Variants in SLC24A3 observed in about 807,000 individuals in gnomAD.
SLC24A3 encodes the protein solute carrier family 24 member 3.
Under a neutral mutation model 75.8 loss-of-function variants are expected in SLC24A3, and 28 were observed. The ratio of observed to expected loss-of-function variants is 0.37; its 90% confidence interval spans 0.27 to 0.51. The LOEUF is 0.51. Ranked by LOEUF, SLC24A3 falls within the 20% of genes least tolerant of loss-of-function variation. The pLI, the probability that SLC24A3 is intolerant of heterozygous loss-of-function variation, is 0.94. For missense variants in SLC24A3, 663 were observed against 847.8 expected (o/e 0.78, Z 2.71); for synonymous variants, 372 against 334.1 (o/e 1.11, Z -1.24).
At chr20:19,544,861 G>T (rs1254890720) in intron 3 of SLC24A3, among the ~76,000 whole-genome samples, 1 of 152,148 alleles carries the variant, frequency 6.6e-6, no homozygotes, top group Admixed American at 6.5e-5. Context: ...CCAAGCAATA[G>T]TAAAGCATGG....
At chr20:19,474,744 T>C (rs1228149184) in intron 2 of SLC24A3, among the ~76,000 whole-genome samples, 1 of 152,192 alleles carries the variant, frequency 6.6e-6, no homozygotes, top group East Asian at 1.9e-4. Context: ...GGTAAGAACA[T>C]TTAAGATCTA....
chr20:19,317,815 A>G (rs781251218), intron 2 of SLC24A3, among the ~76,000 whole-genome samples: 26 of 152,172 alleles, frequency 1.7e-4, no homozygotes, highest in Non-Finnish European at 3.5e-4. Flanking sequence ...AGCCTTTTAC[A>G]TAAAGGTGCC....
rs531619909 is a variant in SLC24A3 at position 19,451,152 on chromosome 20, A to G, written c.272-64336A>G. On this transcript the variant is annotated intron_variant, in intron 2 of 16. Transcript: ENST00000328041. ...TGTATTTTTCTTGTATGTATGTAAT[A>G]CTTCAGTGAAATTTACAGAAAGATC... Among the ~76,000 whole-genome samples, 4 of 152,354 alleles carry G rather than the reference A, an allele frequency of 2.6e-5. No individual in the cohort carries two copies. The East Asian group carries it at 7.7e-4, about 29-fold the overall frequency.
At chr20:19,654,640 CCTTT>C (rs2032244961) in intron 7 of SLC24A3, among the ~76,000 whole-genome samples, 1 of 138,812 alleles carries the variant, frequency 7.2e-6, no homozygotes, top group Non-Finnish European at 1.5e-5. Flanking sequence ...TAAATAGAAT[CCTTT>C]TTTTTTTTTT....
At chr20:19,324,015 A>T (rs1389876106) in intron 2 of SLC24A3, among the ~76,000 whole-genome samples, 1 of 152,178 alleles carries the variant, frequency 6.6e-6, no homozygotes, top group African/African-American at 2.4e-5. Context: ...ACATGAGATC[A>T]CACACAGGGA....
chr20:19,653,166 C>G (rs949470571), intron 6 of SLC24A3, among the ~76,000 whole-genome samples: 2 of 152,224 alleles, frequency 1.3e-5, no homozygotes, highest in African/African-American at 4.8e-5. Flanking sequence ...AAGCCTCAAC[C>G]TGACACCCAC....
At chr20:19,558,395 CCTAATGTTAACAT>C (rs1488190327) in intron 3 of SLC24A3, among the ~76,000 whole-genome samples, 12 of 152,102 alleles carry the variant, frequency 7.9e-5, no homozygotes, top group African/African-American at 2.9e-4. Context: ...CCCAGCTTCC[CCTAATGTTAACAT>C]CTTACATAAT....
At chr20:19,376,848 C>T (rs373785616) in intron 2 of SLC24A3, among the ~76,000 whole-genome samples, 44 of 152,232 alleles carry the variant, frequency 2.9e-4, no homozygotes, top group African/African-American at 8.4e-4. Flanking sequence ...GGGGCAAAGA[C>T]GGCCAGGTGG....
chr20:19,720,077 C>T (rs1181818927), intron 16 of SLC24A3, among the ~76,000 whole-genome samples: 2 of 152,094 alleles, frequency 1.3e-5, no homozygotes, highest in East Asian at 1.9e-4. Flanking sequence ...ATGCTTCTGT[C>T]ACTGCCAATA....
chr20:19,524,115 C>G (rs574353738), intron 3 of SLC24A3, among the ~76,000 whole-genome samples: 14 of 152,330 alleles, frequency 9.2e-5, no homozygotes, highest in African/African-American at 3.4e-4. Flanking sequence ...TAAGCCCTCG[C>G]TGTCTGCCCC....
At chr20:19,569,419 C>T (rs879898978) in intron 3 of SLC24A3, among the ~76,000 whole-genome samples, 1 of 152,156 alleles carries the variant, frequency 6.6e-6, no homozygotes, top group African/African-American at 2.4e-5. Flanking sequence ...CTCATCCTTC[C>T]ACTCCTGTGG....
At chr20:19,546,768 CCTAGACCA>C (rs2122593980) in intron 3 of SLC24A3, among the ~76,000 whole-genome samples, 1 of 110,660 alleles carries the variant, frequency 9.0e-6, no homozygotes, top group South Asian at 3.8e-4. Context: ...CTGGTTTCTG[CCTAGACCA>C]CTGCAGTCAC....
chr20:19,610,405 C>T (rs2031657909), intron 6 of SLC24A3, among the ~76,000 whole-genome samples: 1 of 152,142 alleles, frequency 6.6e-6, no homozygotes, highest in Admixed American at 6.5e-5. Flanking sequence ...GCTGGGACCC[C>T]ACAGATGCAC....
intron 1 of SLC24A3, among the ~76,000 whole-genome samples, chr20:19,250,029 T>G (rs548851374): frequency 6.6e-6 from 1 of 152,298 alleles, no homozygotes; most frequent in Non-Finnish European, 1.5e-5. Flanking sequence ...TCACATGCTG[T>G]CTTCTGAGCA....
chr20:19,647,647 A>G (rs2122704043), intron 6 of SLC24A3, among the ~76,000 whole-genome samples: 1 of 152,344 alleles, frequency 6.6e-6, no homozygotes, highest in Non-Finnish European at 1.5e-5. Flanking sequence ...TTGAAGGCCT[A>G]GCAGGCAATA....
chr20:19,711,211 G>A (rs1415677023), intron 15 of SLC24A3, among the ~76,000 whole-genome samples: 3 of 148,282 alleles, frequency 2.0e-5, no homozygotes, highest in Non-Finnish European at 4.5e-5. Context: ...AAACATGCAG[G>A]CAAACGCACA....
intron 2 of SLC24A3, among the ~76,000 whole-genome samples, chr20:19,291,511 G>T (rs1314353751): frequency 1.3e-5 from 2 of 152,216 alleles, no homozygotes; most frequent in Non-Finnish European, 2.9e-5. Flanking sequence ...ATTCCACCTT[G>T]GAGAGTAAGT....
At chr20:19,585,995 C>T (rs2031290069) in intron 6 of SLC24A3, among the ~76,000 whole-genome samples, 1 of 152,198 alleles carries the variant, frequency 6.6e-6, no homozygotes, top group Non-Finnish European at 1.5e-5. Flanking sequence ...AGGACACAGC[C>T]TAACCTTTTT....
chr20:19,677,960 C>T (rs1245255622), intron 9 of SLC24A3, among the ~76,000 whole-genome samples: 4 of 151,176 alleles, frequency 2.6e-5, no homozygotes, highest in South Asian at 2.1e-4. Context: ...CATCTTGCAC[C>T]GCCCTTAATC....
Sources: allele counts gnomAD v4.1 joint callset (sites outside exome capture counted in the v4.1 genomes callset), GRCh38; gene constraint gnomAD v4.1.1; transcripts MANE v1.5; gene names NCBI Gene and HGNC (gene_info 2026-07-23, HGNC 2026-07-21).